Variants in RGS11 observed in about 807,000 individuals in gnomAD.
RGS11 encodes the protein regulator of G protein signaling 11.
A neutral mutation model predicts 71.1 loss-of-function variants in RGS11; 86 were observed. The ratio of observed to expected loss-of-function variants is 1.21; its 90% CI spans 1.02 to 1.45. The LOEUF (loss-of-function observed/expected upper bound fraction) is 1.45. Ranked by LOEUF, RGS11 falls within the 40% of genes most tolerant of loss-of-function variation. The pLI, the probability that RGS11 is intolerant of heterozygous loss-of-function variation, is 0.00. For missense variants in RGS11, 734 were observed against 635.1 expected (o/e 1.16, Z -1.67); for synonymous variants, 298 against 254.2 (o/e 1.17, Z -1.64).
chr16:273,382 G>A (rs942827569), intron 8 of RGS11, 93 bp downstream of exon 8: 2 of 983,618 alleles, frequency 2.0e-6, no homozygotes, highest in Non-Finnish European at 3.0e-6. Flanking sequence ...CCTTCCACAG[G>A]CTCAAAATGG....
chr16:275,696 G>GA (rs1567243203), intron 1 of RGS11, 153 bp downstream of exon 1: 1 of 321,484 alleles, frequency 3.1e-6, no homozygotes, highest in Non-Finnish European at 4.4e-6. Context: ...AGACCCCCAA[G>GA]GGCCCCAGGC....
rs373870484 is a variant in RGS11, at chr16:270,745, C to T, written c.1066G>A (p.Glu356Lys). ...QVPTLVDAVYEQFLAPGAAHW... is the reference protein window; with the variant it reads ...QVPTLVDAVYKQFLAPGAAHW... ...CGGTGCCCACCACGCAGCACTTACTCGTACACGGCATCCACCAGGGTGGGG... is the reference window on the plus strand; with the variant it reads ...CGGTGCCCACCACGCAGCACTTACTTGTACACGGCATCCACCAGGGTGGGG... The change falls in exon 14 of 17, where the codon GAG (glutamate) becomes AAG (lysine). Residue 356 changes from glutamate to lysine, a missense_variant and splice_region_variant. Physicochemically the swap from Glu to Lys is moderately conservative, Grantham distance 56 (BLOSUM62 1). Transcript: ENST00000397770. 3.4e-5 allele frequency: 55 copies of T among 1,612,332 alleles called. No homozygotes were observed. In the African/African-American group the frequency reaches 3.9e-4, roughly 11 times the overall value.
In RGS11 at chr16:268,454, A is replaced by G; in HGVS notation, c.*815T>C. 1.1e-5 allele frequency: 5 copies of G among 436,220 alleles called. No homozygotes were observed. Among genetic ancestry groups the G allele is most frequent in the Non-Finnish European group, 1.3e-5 (3 of 235,536 alleles). The allele number at this position is 436,220 out of a possible 1,614,324, so 27.0% of individuals were successfully genotyped here. A position where few individuals can be genotyped will look rare whatever the true frequency, so the allele number is the denominator to read the frequency against. On this transcript the variant is annotated 3_prime_UTR_variant, in exon 17 of 17. Coordinates refer to ENST00000397770, the MANE Select transcript of RGS11 (RefSeq NM_183337.3). The stretch of plus-strand genomic sequence containing the variant: ...TGCACCCCCGAAAGGAGCCAGCTGT[A>G]CCTTCACCCAGTCTGGGGGACTGGT...
At position 269,366 on chromosome 16, in the gene RGS11, C is replaced by G; in HGVS notation, c.1307G>C (p.Trp436Ser). Residue 436 changes from tryptophan (W) to serine (S), a missense_variant, in exon 17 of 17, where the codon TGG (tryptophan) becomes TCG (serine). Trp to Ser is a radical substitution (Grantham distance 177). Coordinates refer to ENST00000397770, the MANE Select transcript of RGS11 (RefSeq NM_183337.3). ...EMKRRVFPFT[W>S]RPRHSSPSPA... ...GCTGGGGCTCGAGTGCCGTGGCCTC[C>G]ACGTAAACGGGAACACGCTGTGGGC... 2 of 1,603,350 alleles carry G rather than the reference C, an allele frequency of 1.2e-6. No individual in the cohort carries two copies. Among genetic ancestry groups the G allele is most frequent in the Non-Finnish European group, 1.7e-6 (2 of 1,175,494 alleles).
intron 4 of RGS11, 176 bp from the exon 5 acceptor site, chr16:274,441 G>T: frequency 1.5e-6 from 1 of 653,440 alleles, no homozygotes; most frequent in Non-Finnish European, 2.6e-6. Context: ...TCTCCAACTA[G>T]AACTGAGGTC....
chr16:274,903 C>G (rs1377925902), intron 4 of RGS11, 73 bp downstream of exon 4: 7 of 1,541,416 alleles, frequency 4.5e-6, no homozygotes, highest in African/African-American at 1.4e-5. Flanking sequence ...CCCCTCCTGT[C>G]TCCCCGAGTT....
chr16:273,628 GACCTGGGCAGGC>G, intron 7 of RGS11, 72 bp from the exon 8 acceptor site: 1 of 1,498,354 alleles, frequency 6.7e-7, no homozygotes, highest in Non-Finnish European at 9.1e-7. Context: ...CTCAGGCCTG[GACCTGGGCAGGC>G]AGCCACACCC....
In RGS11 at chr16:275,391, G is replaced by A. The variant is rs1166947093; in HGVS notation, c.160+11C>T. On this transcript the variant is annotated intron_variant, in intron 2 of 16. Transcript: ENST00000397770. ...GAGGCGCGCACGCACCCCCGCCCCG[G>A]CGCGCCTCACCTGTCACCGCGTGGG... The A allele has an allele frequency of 1.9e-6, 3 of 1,607,858 alleles. No homozygotes were observed. The highest frequency in any genetic ancestry group is 1.7e-6 in the Non-Finnish European group (2 of 1,179,202).
At position 270,800 on chromosome 16, in the gene RGS11, C is replaced by T. The variant is rs557921662; in HGVS notation, c.1011G>A (p.Glu337=). 1 of 1,612,470 alleles carries T rather than the reference C, an allele frequency of 6.2e-7. No homozygotes were observed. The highest frequency in any genetic ancestry group is 8.5e-7 in the Non-Finnish European group (1 of 1,179,890). Residue 337 remains glutamate (E), a synonymous_variant, in exon 14 of 17, where the codon GAG becomes GAA. Transcript: ENST00000397770. ...GGGCCTGCGCTCCATATCGAAGCTCCTCACATGCCTCCCAGAAGCTGAGGT... is the reference window on the plus strand; with the variant it reads ...GGGCCTGCGCTCCATATCGAAGCTCTTCACATGCCTCCCAGAAGCTGAGGT... ...GENLSFWEAC[E]ELRYGAQAQV... is the part of the protein sequence containing the mutation.
rs1311981169 is a variant in RGS11 at position 269,283 on chromosome 16, C to G, written c.1390G>C (p.Asp464His). ...PTAACGPGGG[D>H]GVA ...GGCCAGGTCCACTAGGCCACCCCAT[C>G]TCCACCCCCAGGGCCACAAGCCGCT... The change falls in exon 17 of 17, where the codon GAT becomes CAT. Residue 464 changes from aspartate (D) to histidine (H), a missense_variant. Coordinates refer to ENST00000397770, the MANE Select transcript of RGS11 (RefSeq NM_183337.3). The G allele has an allele frequency of 1.3e-6, 2 of 1,572,956 alleles. No homozygotes were observed. The highest frequency in any genetic ancestry group is 1.3e-5 in the African/African-American group (1 of 74,442).
intron 9 of RGS11, 157 bp downstream of exon 9, chr16:272,704 CAG>C (rs1329010538): frequency 6.8e-7 from 1 of 1,478,356 alleles, no homozygotes; most frequent in Non-Finnish European, 9.0e-7. Flanking sequence ...GCCTGGGGAA[CAG>C]GGAGTGACCG....
intron 9 of RGS11, 126 bp from the exon 10 acceptor site, chr16:271,695 G>T (rs926530637): frequency 1.1e-6 from 1 of 911,330 alleles, no homozygotes; most frequent in Non-Finnish European, 1.8e-6. Flanking sequence ...GGTGGCCCAG[G>T]CCCCCAGTCC....
Position 275,342 on chromosome 16 carries a change from G to C in RGS11, c.161-9C>G. The C allele has an allele frequency of 1.2e-6, 2 of 1,612,222 alleles. No homozygotes were observed. The highest frequency in any genetic ancestry group is 1.7e-6 in the Non-Finnish European group (2 of 1,179,828). On this transcript the variant is annotated splice_polypyrimidine_tract_variant and intron_variant, in intron 2 of 16. Transcript: ENST00000397770. The stretch of plus-strand genomic sequence containing the variant: ...CTGCACGACGTCGCTGCCTGCACGG[G>C]AGAGACAGAGGTGGAGGGAGGCCGA...
Position 269,369 on chromosome 16 carries a change from G to T in RGS11, c.1304C>A (p.Thr435Lys), listed in dbSNP as rs920288556. 1.2e-6 allele frequency: 2 copies of T among 1,602,842 alleles called. No homozygotes were observed. The highest frequency in any genetic ancestry group is 2.7e-5 in the African/African-American group (2 of 74,846). ...GGGGCTCGAGTGCCGTGGCCTCCAC[G>T]TAAACGGGAACACGCTGTGGGCGAG... ...LEMKRRVFPFTWRPRHSSPSP... is the reference protein window; with the variant it reads ...LEMKRRVFPFKWRPRHSSPSP... Residue 435 changes from threonine to lysine, a missense_variant, in exon 17 of 17, where the codon ACG becomes AAG. By Grantham distance (78) the Thr-to-Lys change is moderately conservative. Transcript: ENST00000397770.
Position 275,870 on chromosome 16 carries a change from CGCCCGGGGGCG to C in RGS11, c.31_41del (p.Arg11AlafsTer79), listed in dbSNP as rs1263180468. On this transcript the variant is annotated frameshift_variant, in exon 1 of 17. Coordinates refer to ENST00000397770, the MANE Select transcript of RGS11 (RefSeq NM_183337.3). LOFTEE classifies it high-confidence loss of function. Reference sequence around the variant, plus strand: ...GCACCTTCCTCAGATGCGGCATCTGCGCCCGGGGGCGGCCGGGGGGCGGCGCGGGGCCGGCG... The same window carrying C: ...GCACCTTCCTCAGATGCGGCATCTGCGCCGGGGGGCGGCGCGGGGCCGGCG... 8 of 1,019,982 alleles carry C rather than the reference CGCCCGGGGGCG, an allele frequency of 7.8e-6. No individual in the cohort carries two copies. Among genetic ancestry groups the C allele is most frequent in the Non-Finnish European group, 9.6e-6 (8 of 837,170 alleles). 63.2% of individuals were successfully genotyped at this position (1,019,982 alleles called of 1,614,324 possible).
chr16:269,304 C>T lies in RGS11; in HGVS notation c.1369G>A (p.Ala457Thr), dbSNP rs756805974. 9 of 1,589,172 alleles carry T rather than the reference C, an allele frequency of 5.7e-6. No homozygotes were observed. The highest frequency in any genetic ancestry group is 6.8e-6 in the Non-Finnish European group (8 of 1,169,304). ...LLPTPVEPTAACGPGGGDGVA is the reference protein window; with the variant it reads ...LLPTPVEPTATCGPGGGDGVA ...CCATCTCCACCCCCAGGGCCACAAG[C>T]CGCTGTGGGCTCCACAGGGGTGGGA... Residue 457 changes from alanine to threonine, a missense_variant, in exon 17 of 17, where the codon GCT (alanine) becomes ACT (threonine). Ala to Thr is a moderately conservative substitution (Grantham distance 58). Transcript: ENST00000397770.
intron 5 of RGS11, 43 bp downstream of exon 5, chr16:274,171 C>A: frequency 6.3e-7 from 1 of 1,594,700 alleles, no homozygotes; most frequent in Non-Finnish European, 8.5e-7. Flanking sequence ...CTGAGGCCCC[C>A]AGTCCTGGGA....
At position 269,554 on chromosome 16, in the gene RGS11, AT is replaced by A; in HGVS notation, c.1237del (p.Met413CysfsTer15). On this transcript the variant is annotated frameshift_variant, in exon 16 of 17. Coordinates refer to ENST00000397770, the MANE Select transcript of RGS11 (RefSeq NM_183337.3). LOFTEE classifies it high-confidence loss of function. The part of the protein sequence containing the change: ...DSYPRFLKSD[M>X]YKALLAEAGI... ...AGCCTCTGCCAGGAGGGCCTTGTAC[AT>A]GTCAGACTTCAGGAACCTTGGGTAG... The A allele has an allele frequency of 3.1e-6, 5 of 1,613,394 alleles. No homozygotes were observed. The highest frequency in any genetic ancestry group is 4.2e-6 in the Non-Finnish European group (5 of 1,179,914).
At chr16:274,524 G>C (rs1252791837) in intron 4 of RGS11, 10 of 598,196 alleles carry the variant, frequency 1.7e-5, no homozygotes, top group Non-Finnish European at 3.0e-5. Flanking sequence ...TCAAGGCGGG[G>C]TGGGGCTGGG....
Sources: gnomAD v4.1 joint callset for allele counts on GRCh38, gnomAD v4.1.1 for gene constraint, MANE v1.5 for transcripts, NCBI Gene and HGNC (gene_info 2026-07-23, HGNC 2026-07-21) for gene names.